DLGAP2: variants seen among roughly 807,000 people sequenced by gnomAD.
The protein encoded by DLGAP2 is DLG associated protein 2, also known as disks large-associated protein 2.
Under a neutral mutation model 100.3 loss-of-function variants are expected in DLGAP2, and 26 were observed. The ratio of observed to expected loss-of-function variants is 0.26; its 90% CI spans 0.19 to 0.36. The LOEUF is 0.36. Among genes scored for constraint, DLGAP2 ranks in the 10% least tolerant of loss-of-function variants. DLGAP2 has a pLI of 1.00. For missense variants in DLGAP2, 1,858 were observed against 1,453.2 expected (o/e 1.28, Z -4.53); for synonymous variants, 886 against 630.1 (o/e 1.41, Z -6.08).
At chr8:1,529,075 GA>G (rs34715434) in intron 4 of DLGAP2, among the ~76,000 whole-genome samples, 69,730 of 151,850 alleles carry the variant, frequency 0.46, 16,533 homozygotes, top group South Asian at 0.69. Flanking sequence ...AGCTGCCTGA[GA>G]CTGGGTAATT....
Position 1,703,170 on chromosome 8 carries a change from G to A in DLGAP2, c.*1764G>A, listed in dbSNP as rs867943944. The A allele has an allele frequency of 1.3e-5, 2 of 152,690 alleles. No homozygotes were observed. The highest frequency in any genetic ancestry group is 6.8e-3 in the Middle Eastern group (2 of 294). The allele number at this position is 152,690 out of a possible 1,614,324, so 9.5% of individuals were successfully genotyped here. On this transcript the variant is annotated 3_prime_UTR_variant, in exon 15 of 15. Coordinates refer to ENST00000637795, the MANE Select transcript of DLGAP2 (RefSeq NM_001346810.2). Reference sequence around the variant, plus strand: ...CGAAGTTTTACTTTTTTAAAGCTGAGTAGTTAAGAATTCCCTGTAAAAACA... The same window carrying A: ...CGAAGTTTTACTTTTTTAAAGCTGAATAGTTAAGAATTCCCTGTAAAAACA...
At chr8:1,026,978 C>A (rs371849063) in intron 2 of DLGAP2, among the ~76,000 whole-genome samples, 19 of 152,244 alleles carry the variant, frequency 1.2e-4, no homozygotes, top group Middle Eastern at 3.4e-3. Flanking sequence ...TTACATTGTA[C>A]GCTTAAAAGT....
At chr8:1,482,648 G>A (rs968173252) in intron 3 of DLGAP2, among the ~76,000 whole-genome samples, 2 of 152,198 alleles carry the variant, frequency 1.3e-5, no homozygotes, top group African/African-American at 4.8e-5. Flanking sequence ...CCCTCCCCAC[G>A]GTTTCCGGGA....
At chr8:1,449,603 C>G (rs1798081206) in intron 3 of DLGAP2, among the ~76,000 whole-genome samples, 1 of 152,136 alleles carries the variant, frequency 6.6e-6, no homozygotes, top group African/African-American at 2.4e-5. Context: ...GGGCCTGGCA[C>G]TCTGCATTCT....
intron 2 of DLGAP2, among the ~76,000 whole-genome samples, chr8:1,102,737 C>G (rs989281744): frequency 6.6e-6 from 1 of 152,098 alleles, no homozygotes; most frequent in African/African-American, 2.4e-5. Context: ...CACTCAGGAG[C>G]CTGGTGTCCT....
At chr8:965,166 A>T (rs1367715581) in intron 2 of DLGAP2, among the ~76,000 whole-genome samples, 4 of 136,680 alleles carry the variant, frequency 2.9e-5, no homozygotes, top group Non-Finnish European at 6.1e-5. Flanking sequence ...CCTGAGTCTG[A>T]CCCCTGCGCT....
intron 2 of DLGAP2, among the ~76,000 whole-genome samples, chr8:1,179,665 G>A (rs1797338869): frequency 6.6e-6 from 1 of 152,188 alleles, no homozygotes; most frequent in African/African-American, 2.4e-5. Context: ...ATCCTAATTT[G>A]TGTTTTAAAC....
chr8:944,829 A>G (rs369394960), intron 2 of DLGAP2, among the ~76,000 whole-genome samples: 87 of 140,308 alleles, frequency 6.2e-4, no homozygotes, highest in East Asian at 1.4e-3. Flanking sequence ...GGTGGTAATG[A>G]TCCCTGCGGG....
chr8:1,306,387 G>C (rs28770878), intron 3 of DLGAP2, among the ~76,000 whole-genome samples: 53,986 of 151,930 alleles, frequency 0.36, 10,082 homozygotes, highest in African/African-American at 0.45. Flanking sequence ...AACCAAGGAG[G>C]AGAGAGGCTG....
At chr8:1,330,139 G>C (rs1017732589) in intron 3 of DLGAP2, among the ~76,000 whole-genome samples, 5 of 152,220 alleles carry the variant, frequency 3.3e-5, no homozygotes, top group Non-Finnish European at 5.9e-5. Context: ...CTGTGGGAGT[G>C]AGGAGGTGGT....
intron 2 of DLGAP2, among the ~76,000 whole-genome samples, chr8:1,241,533 G>A (rs73670689): frequency 0.02 from 3,067 of 152,350 alleles, 117 homozygotes; most frequent in African/African-American, 0.07. Context: ...TACAGAGGAA[G>A]CAGAACATGT....
At chr8:899,886 A>G (rs957039443) in intron 1 of DLGAP2, among the ~76,000 whole-genome samples, 2 of 152,208 alleles carry the variant, frequency 1.3e-5, no homozygotes, top group Non-Finnish European at 1.5e-5. Context: ...TGTGAACTGC[A>G]GAGGGTGAGA....
intron 1 of DLGAP2, among the ~76,000 whole-genome samples, chr8:766,761 C>T (rs560494771): frequency 6.6e-6 from 1 of 152,324 alleles, no homozygotes; most frequent in East Asian, 1.9e-4. Flanking sequence ...TCAACACTGC[C>T]AGCGTCAGAC....
chr8:1,155,809 G>A (rs1796773036), intron 2 of DLGAP2, among the ~76,000 whole-genome samples: 2 of 152,210 alleles, frequency 1.3e-5, no homozygotes, highest in Non-Finnish European at 2.9e-5. Flanking sequence ...GCAGGCATTC[G>A]TGGAATGAAC....
intron 2 of DLGAP2, among the ~76,000 whole-genome samples, chr8:997,748 G>A (rs1334703401): frequency 6.6e-6 from 1 of 152,104 alleles, no homozygotes; most frequent in East Asian, 1.9e-4. Context: ...AAAAATGAAA[G>A]TACTATTCCT....
At chr8:837,409 A>C (rs1015442355) in intron 1 of DLGAP2, among the ~76,000 whole-genome samples, 1 of 152,238 alleles carries the variant, frequency 6.6e-6, no homozygotes, top group African/African-American at 2.4e-5. Context: ...AGTTTTGACC[A>C]AGACTCCAAA....
chr8:1,310,338 G>T (rs573825251), intron 3 of DLGAP2, among the ~76,000 whole-genome samples: 1 of 152,284 alleles, frequency 6.6e-6, no homozygotes, highest in Non-Finnish European at 1.5e-5. Context: ...AAATATATAT[G>T]TACCAAAATC....
chr8:1,658,238 C>A (rs1021647097), intron 8 of DLGAP2, among the ~76,000 whole-genome samples: 1 of 152,076 alleles, frequency 6.6e-6, no homozygotes, highest in African/African-American at 2.4e-5. Flanking sequence ...CCTGCACATA[C>A]TGACAAGCAA....
chr8:926,888 C>T (rs528073237), intron 2 of DLGAP2, among the ~76,000 whole-genome samples: 16 of 152,318 alleles, frequency 1.1e-4, no homozygotes, highest in African/African-American at 3.6e-4. Flanking sequence ...GTGGCAGGAG[C>T]GGAGCGAGCC....
Sources: allele counts gnomAD v4.1 joint callset (sites outside exome capture counted in the v4.1 genomes callset), GRCh38; gene constraint gnomAD v4.1.1; transcripts MANE v1.5; gene names NCBI Gene and HGNC (gene_info 2026-07-23, HGNC 2026-07-21).